The following DIS3L variants were observed in gnomAD, a reference collection of about 807,000 sequenced individuals.
The protein encoded by DIS3L is DIS3-like exonuclease 1.
In DIS3L, 100 loss-of-function variants were observed where a neutral mutation model predicts 120.3. That is an observed-to-expected ratio of 0.83 (90% CI 0.71 to 0.98). The LOEUF (loss-of-function observed/expected upper bound fraction) is 0.98. DIS3L is among the 50% of genes least tolerant of loss of function. The pLI is 0.00. For synonymous variants in DIS3L, 426 were observed against 470.6 expected (o/e 0.91, Z 1.23); for missense variants, 1,196 against 1,314.2 (o/e 0.91, Z 1.39).
At chr15:66,300,768 G>C (rs1156231904) in intron 2 of DIS3L, among the ~76,000 whole-genome samples, 1 of 152,132 alleles carries the variant, frequency 6.6e-6, no homozygotes, top group Non-Finnish European at 1.5e-5. Context: ...TGGGGGCAGG[G>C]GAGTCAAGGT....
chr15:66,330,057 C>T (rs2092983918), intron 14 of DIS3L: 1 of 983,192 alleles, frequency 1.0e-6, no homozygotes, highest in Non-Finnish European at 1.2e-6. Flanking sequence ...ATTCCCAGTA[C>T]TTTGGGAGGC....
chr15:66,323,626 T>C, intron 11 of DIS3L, 41 bp downstream of exon 11: 2 of 1,596,334 alleles, frequency 1.3e-6, no homozygotes, highest in Non-Finnish European at 1.7e-6. Context: ...GTCCTGGCCC[T>C]TCTGTGGCTC....
chr15:66,306,565 A>G (rs990831218), intron 2 of DIS3L, among the ~76,000 whole-genome samples: 1 of 152,174 alleles, frequency 6.6e-6, no homozygotes, highest in Non-Finnish European at 1.5e-5. Flanking sequence ...CTGAAGGGGA[A>G]AGGAGAGGGA....
upstream of DIS3L, chr15:66,293,490 T>TA (rs2092543996): frequency 8.1e-7 from 1 of 1,237,280 alleles, no homozygotes; most frequent in Non-Finnish European, 1.0e-6. Context: ...GCGCGGCAGT[T>TA]ACGGCGGTTC....
intron 2 of DIS3L, among the ~76,000 whole-genome samples, chr15:66,300,937 C>T (rs1441065355): frequency 1.3e-5 from 2 of 152,218 alleles, no homozygotes; most frequent in Non-Finnish European, 1.5e-5. Context: ...TTGTGGAAAA[C>T]TCAGTGGTGT....
Position 66,328,951 on chromosome 15 carries a change from T to G in DIS3L, c.2202-19T>G. 1 of 1,607,424 alleles carries G rather than the reference T, an allele frequency of 6.2e-7. No homozygotes were observed. The highest frequency in any genetic ancestry group is 1.1e-5 in the South Asian group (1 of 89,940). On this transcript the variant is annotated intron_variant, in intron 12 of 16. Transcript: ENST00000319212. ...ATTACTGTCTGGGACTAGCTAACGG[T>G]TTTTCTGTTCTTTGTCAGGTCCAAT... is the stretch of plus-strand genomic sequence containing the variant.
chr15:66,314,257 C>T (rs895343633), intron 6 of DIS3L, 140 bp downstream of exon 6: 15 of 564,146 alleles, frequency 2.7e-5, no homozygotes, highest in South Asian at 6.3e-5. Context: ...GAGATTGTGG[C>T]GGGGGGTGGT....
intron 1 of DIS3L, chr15:66,294,374 C>T (rs2092561967): frequency 1.0e-6 from 1 of 985,538 alleles, no homozygotes; most frequent in Non-Finnish European, 1.2e-6. Flanking sequence ...GGCTCTCTTC[C>T]CCCATGGGAG....
rs1451600081 is a variant in DIS3L, at chr15:66,293,656, G to C, written c.60G>C (p.Arg20=). ...LLRTFQGRTL[R]IVREHYLRPC... ...GGACCTTCCAGGGCCGCACGCTGCG[G>C]ATCGTGCGCGAGCACTACCTGCGGC... The change falls in exon 1 of 17, where the codon CGG becomes CGC. Residue 20 remains arginine (R), a synonymous_variant. Coordinates refer to ENST00000319212, the MANE Select transcript of DIS3L (RefSeq NM_001143688.3). 1 of 1,433,840 alleles carries C rather than the reference G, an allele frequency of 7.0e-7. No individual in the cohort carries two copies. The highest frequency in any genetic ancestry group is 9.1e-7 in the Non-Finnish European group (1 of 1,093,620). The allele number at this position is 1,433,840 out of a possible 1,614,324, so 88.8% of individuals were successfully genotyped here.
chr15:66,318,628 A>C lies in DIS3L; in HGVS notation c.1164+10A>C, dbSNP rs575087483. The C allele has an allele frequency of 2.1e-5, 34 of 1,613,432 alleles. No homozygotes were observed. The East Asian group carries it at 6.7e-4, about 32-fold the overall frequency. On this transcript the variant is annotated intron_variant, in intron 8 of 16. Transcript: ENST00000319212. ...AGCAGAAACCCTCCAGGTAGTTGGCATTCTACCTCTACTATGGGATCTCTA... is the reference window on the plus strand; with the variant it reads ...AGCAGAAACCCTCCAGGTAGTTGGCCTTCTACCTCTACTATGGGATCTCTA...
At chr15:66,302,605 T>A (rs1479714870) in intron 2 of DIS3L, among the ~76,000 whole-genome samples, 2 of 152,158 alleles carry the variant, frequency 1.3e-5, no homozygotes, top group East Asian at 3.9e-4. Flanking sequence ...AGCCTTACTG[T>A]CTGCTGTCTC....
chr15:66,314,806 TGAAAGATGA>T, intron 6 of DIS3L: 3 of 430,226 alleles, frequency 7.0e-6, no homozygotes, highest in Middle Eastern at 6.4e-4. Context: ...GATATTTTTT[TGAAAGATGA>T]TTGAGGGTGG....
chr15:66,305,960 T>C (rs1019463225), intron 2 of DIS3L, among the ~76,000 whole-genome samples: 1 of 152,252 alleles, frequency 6.6e-6, no homozygotes, highest in Admixed American at 6.5e-5. Flanking sequence ...GTTTGATTTA[T>C]GGCTTCGGCC....
chr15:66,324,018 G>A (rs950683910), intron 11 of DIS3L, among the ~76,000 whole-genome samples: 1 of 152,002 alleles, frequency 6.6e-6, no homozygotes, highest in Non-Finnish European at 1.5e-5. Context: ...ATATAGGCCC[G>A]AACTCATATG....
In DIS3L at chr15:66,322,773, C is replaced by G; in HGVS notation, c.1413C>G (p.Ser471Arg). The change falls in exon 10 of 17, where the codon AGC (serine) becomes AGG (arginine). Residue 471 changes from serine to arginine, a missense_variant. Ser to Arg is a moderately radical substitution (Grantham distance 110). Coordinates refer to ENST00000319212, the MANE Select transcript of DIS3L (RefSeq NM_001143688.3). ...EEQKRKDLRKSHLVFSIDPKG... is the reference protein window; with the variant it reads ...EEQKRKDLRKRHLVFSIDPKG... ...AAAAACGTAAAGACTTGAGGAAAAG[C>G]CATCTCGTATTCAGCATTGACCCCA... 6.2e-7 allele frequency: 1 copy of G among 1,614,096 alleles called. No individual in the cohort carries two copies. Among genetic ancestry groups the G allele is most frequent in the Non-Finnish European group, 8.5e-7 (1 of 1,180,026 alleles).
chr15:66,299,583 G>A (rs913444629), intron 2 of DIS3L, among the ~76,000 whole-genome samples: 2 of 151,176 alleles, frequency 1.3e-5, no homozygotes, highest in African/African-American at 4.9e-5. Flanking sequence ...GCCAGGTAGA[G>A]AAGAGGCCTG....
upstream of DIS3L, chr15:66,293,472 T>A (rs966636576): frequency 8.2e-7 from 1 of 1,225,640 alleles, no homozygotes; most frequent in African/African-American, 1.6e-5. Context: ...GCTCCGGGCC[T>A]CCCCCGGGCG....
rs750824403 is a variant in DIS3L, at chr15:66,325,856, C to G, written c.1693C>G (p.Leu565Val). 6 of 1,606,408 alleles carry G rather than the reference C, an allele frequency of 3.7e-6. No individual in the cohort carries two copies. The South Asian group carries it at 4.4e-5, about 12-fold the overall frequency. ...GTATGCTGTAAGCATCATGTGGGAA[C>G]TGGATAAAGCCTCTTATGAAATTAA... ...DRYAVSIMWE[L>V]DKASYEIKKV... is the part of the protein sequence containing the mutation. Residue 565 changes from leucine to valine, a missense_variant, in exon 12 of 17, where the codon CTG (leucine) becomes GTG (valine). Transcript: ENST00000319212.
At chr15:66,304,106 A>C (rs2092678117) in intron 2 of DIS3L, among the ~76,000 whole-genome samples, 1 of 142,992 alleles carries the variant, frequency 7.0e-6, no homozygotes, top group Admixed American at 7.0e-5. Flanking sequence ...AAAAAAAAAA[A>C]AAAAAACAAT....
Sources: gnomAD v4.1 joint callset for allele counts (sites outside exome capture counted in the v4.1 genomes callset) on GRCh38, gnomAD v4.1.1 for gene constraint, MANE v1.5 for transcripts, NCBI Gene and HGNC (gene_info 2026-07-23, HGNC 2026-07-21) for gene names.